Variants in TSGA10 observed in about 807,000 individuals in gnomAD.
The protein encoded by TSGA10 is testis specific 10.
A neutral mutation model predicts 96.6 loss-of-function variants in TSGA10; 43 were observed. The ratio of observed to expected loss-of-function variants is 0.44; its 90% CI spans 0.35 to 0.57. The LOEUF is 0.57. Among genes scored for constraint, TSGA10 ranks in the 20% least tolerant of loss-of-function variants. The pLI is 0.01. For synonymous variants in TSGA10, 229 were observed against 269.9 expected (o/e 0.85, Z 1.48); for missense variants, 703 against 834.4 (o/e 0.84, Z 1.94).
intron 1 of TSGA10, among the ~76,000 whole-genome samples, chr2:99,134,356 C>T (rs2093237145): frequency 6.6e-6 from 1 of 152,076 alleles, no homozygotes; most frequent in African/African-American, 2.4e-5. Flanking sequence ...AGCCTTTCTT[C>T]CACTTGATTG....
intron 4 of TSGA10, among the ~76,000 whole-genome samples, chr2:99,115,762 C>A (rs1393143329): frequency 6.6e-6 from 1 of 152,074 alleles, no homozygotes; most frequent in Non-Finnish European, 1.5e-5. Flanking sequence ...TGCCTGTAAT[C>A]CCAGCTACTC....
chr2:99,067,391 G>A (rs772811209), intron 15 of TSGA10, among the ~76,000 whole-genome samples: 3 of 152,230 alleles, frequency 2.0e-5, no homozygotes, highest in Non-Finnish European at 1.5e-5. Context: ...TCGGAAGGCC[G>A]AGGTGGGAGG....
rs2090439471 is a variant in TSGA10 at position 99,099,306 on chromosome 2, C to T, written c.611+4661G>A. 2.0e-5 allele frequency among the ~76,000 whole-genome samples: 3 copies of T among 152,036 alleles called. No individual in the cohort carries two copies. The South Asian group carries it at 6.2e-4, about 32-fold the overall frequency. On this transcript the variant is annotated intron_variant, in intron 10 of 20. Transcript: ENST00000393483. ...CAGCCTGGGCAACAAGAGTGAAACTCCGTCTCAAAAATAATAAAAAATAAA... is the reference window on the plus strand; with the variant it reads ...CAGCCTGGGCAACAAGAGTGAAACTTCGTCTCAAAAATAATAAAAAATAAA...
chr2:99,074,351 CGT>C lies in TSGA10; in HGVS notation c.883-1280_883-1279del, dbSNP rs147220063. On this transcript the variant is annotated intron_variant, in intron 12 of 20. Transcript: ENST00000393483. ...TTAGCGTTAGTTTTACACATATTTG[CGT>C]GTGTGTGTGTGTGTGTGTGTGTGCT... Among the ~76,000 whole-genome samples the C allele has an allele frequency of 1.3e-3, 183 of 144,978 alleles. 1 individual carries two copies. The highest frequency in any genetic ancestry group is 3.5e-3 in the South Asian group (16 of 4,532).
chr2:99,149,456 T>TC (rs1211372037), intron 1 of TSGA10, among the ~76,000 whole-genome samples: 1 of 150,964 alleles, frequency 6.6e-6, no homozygotes, highest in Non-Finnish European at 1.5e-5. Context: ...TTTTTTTTTT[T>TC]TTTTAAGACG....
intron 20 of TSGA10, among the ~76,000 whole-genome samples, chr2:99,001,578 C>T (rs1558678567): frequency 6.6e-6 from 1 of 152,158 alleles, no homozygotes; most frequent in South Asian, 2.1e-4. Context: ...GTCTCTTCTC[C>T]TCCAAAGGAA....
At chr2:99,071,655 G>A (rs554655794) in intron 14 of TSGA10, 51 bp downstream of exon 14, 1 of 1,560,154 alleles carries the variant, frequency 6.4e-7, no homozygotes, top group African/African-American at 1.4e-5. Context: ...TTCCTCACAA[G>A]AAATTCATAT....
chr2:99,136,372 T>G (rs2105066023), intron 1 of TSGA10, among the ~76,000 whole-genome samples: 1 of 152,256 alleles, frequency 6.6e-6, no homozygotes, highest in East Asian at 1.9e-4. Context: ...AAATAGAATC[T>G]TACAATTTCA....
intron 1 of TSGA10, among the ~76,000 whole-genome samples, chr2:99,135,019 G>C (rs1296359538): frequency 6.6e-6 from 1 of 152,182 alleles, no homozygotes. Flanking sequence ...TCCTATATGA[G>C]ATGTCTGTTG....
At chr2:99,083,590 G>A (rs534951415) in intron 10 of TSGA10, among the ~76,000 whole-genome samples, 4 of 152,256 alleles carry the variant, frequency 2.6e-5, no homozygotes, top group Admixed American at 6.5e-5. Flanking sequence ...CTCACCAGGT[G>A]AATAGCTGAA....
At chr2:99,005,708 C>A (rs2078405540) in intron 20 of TSGA10, among the ~76,000 whole-genome samples, 1 of 152,092 alleles carries the variant, frequency 6.6e-6, no homozygotes, top group Non-Finnish European at 1.5e-5. Context: ...GTGAAAATGG[C>A]CATACTGCCC....
intron 15 of TSGA10, among the ~76,000 whole-genome samples, chr2:99,068,021 CT>C (rs1260223725): frequency 6.6e-6 from 1 of 152,038 alleles, no homozygotes; most frequent in Non-Finnish European, 1.5e-5. Flanking sequence ...AATAAAAAGC[CT>C]TTTGTTCATT....
intron 16 of TSGA10, among the ~76,000 whole-genome samples, chr2:99,048,159 T>C (rs1242436450): frequency 6.6e-6 from 1 of 152,176 alleles, no homozygotes; most frequent in East Asian, 1.9e-4. Flanking sequence ...AAGGGATTTA[T>C]AGATTCAATG....
At chr2:99,141,431 G>A (rs1462333221) in intron 1 of TSGA10, 2 of 178,776 alleles carry the variant, frequency 1.1e-5, no homozygotes, top group South Asian at 1.6e-4. Context: ...CGCGTACCTG[G>A]CTCGACCTTC....
intron 20 of TSGA10, among the ~76,000 whole-genome samples, chr2:99,005,848 C>G (rs1283155518): frequency 1.3e-5 from 2 of 151,868 alleles, no homozygotes; most frequent in Non-Finnish European, 2.9e-5. Context: ...AATCCTAAGT[C>G]AAAAGAACAA....
chr2:99,071,983 T>C (rs2086028128), intron 13 of TSGA10, 109 bp from the exon 14 acceptor site: 4 of 959,476 alleles, frequency 4.2e-6, no homozygotes, highest in Non-Finnish European at 6.1e-6. Context: ...TTTGAAGAGA[T>C]TTTAAACACG....
chr2:99,016,919 T>C (rs1225505774), intron 20 of TSGA10, among the ~76,000 whole-genome samples: 2 of 152,194 alleles, frequency 1.3e-5, no homozygotes, highest in Non-Finnish European at 1.5e-5. Context: ...TCACTAATTA[T>C]CAGGGAAATG....
At chr2:99,083,287 A>G (rs1409507954) in intron 10 of TSGA10, among the ~76,000 whole-genome samples, 1 of 152,206 alleles carries the variant, frequency 6.6e-6, no homozygotes, top group African/African-American at 2.4e-5. Flanking sequence ...AAACTGATAA[A>G]ATGTGACACC....
At chr2:99,141,293 G>A (rs1037459095) in intron 1 of TSGA10, 4 of 512,380 alleles carry the variant, frequency 7.8e-6, no homozygotes, top group Non-Finnish European at 8.6e-6. Flanking sequence ...AGGAGGAGGG[G>A]GCGGTTAGCG....
Sources: allele counts gnomAD v4.1 joint callset (sites outside exome capture counted in the v4.1 genomes callset), GRCh38; gene constraint gnomAD v4.1.1; transcripts MANE v1.5; gene names NCBI Gene and HGNC (gene_info 2026-07-23, HGNC 2026-07-21).